Variants in RGS4 observed in about 807,000 individuals in gnomAD.
The protein encoded by RGS4 is schizophrenia disorder 9.
A neutral mutation model predicts 21.6 loss-of-function variants in RGS4; 15 were observed. The observed-to-expected ratio is 0.69, with a 90% confidence interval of 0.46 to 1.07. RGS4 has a LOEUF of 1.07. RGS4 is among the 50% of genes least tolerant of loss of function. RGS4 has a pLI of 0.00. For synonymous variants in RGS4, 94 were observed against 85.5 expected (o/e 1.10, Z -0.55); for missense variants, 237 against 239.0 (o/e 0.99, Z 0.06).
intron 1 of RGS4, 112 bp downstream of exon 1, chr1:163,069,640 G>T (rs1655240228): frequency 2.3e-6 from 2 of 857,400 alleles, no homozygotes; most frequent in African/African-American, 3.4e-5. Flanking sequence ...AGTGTGGTCA[G>T]GAGAGCACGA....
intron 1 of RGS4, among the ~76,000 whole-genome samples, chr1:163,071,734 C>G (rs1295531098): frequency 6.6e-6 from 1 of 151,570 alleles, no homozygotes; most frequent in Non-Finnish European, 1.5e-5. Flanking sequence ...TAGAAAGAAG[C>G]CCCAAGAAGC....
Position 163,075,196 on chromosome 1 carries a change from G to A in RGS4, c.*636G>A, listed in dbSNP as rs1655457231. 1 of 154,586 alleles carries A rather than the reference G, an allele frequency of 6.5e-6. No homozygotes were observed. The highest frequency in any genetic ancestry group is 2.4e-5 in the African/African-American group (1 of 41,370). 9.6% of individuals were successfully genotyped at this position (154,586 alleles called of 1,614,324 possible). The stretch of plus-strand genomic sequence containing the variant: ...TAGAGTATGTGTATGTACTTACATG[G>A]GTGTTTTGATCTCTGTTCTTTCATA... On this transcript the variant is annotated 3_prime_UTR_variant, in exon 5 of 5. Transcript: ENST00000367909.
chr1:163,069,075 A>G (rs139674129), upstream of RGS4: 2 of 1,537,238 alleles, frequency 1.3e-6, no homozygotes, highest in East Asian at 4.9e-5. Flanking sequence ...ATATGAATAA[A>G]AACTATATTT....
At chr1:163,069,133 GAC>G, upstream of RGS4, 1 of 1,500,160 alleles carries the variant, frequency 6.7e-7, no homozygotes, top group Non-Finnish European at 8.9e-7. Flanking sequence ...CTAAACCTCT[GAC>G]ATTGGTGGAG....
chr1:163,069,199 T>C, upstream of RGS4: 1 of 1,518,446 alleles, frequency 6.6e-7, no homozygotes. Flanking sequence ...TTTTCTCTGC[T>C]CGTTCACTTA....
intron 3 of RGS4, 60 bp downstream of exon 3, chr1:163,072,926 G>A (rs368832504): frequency 1.5e-4 from 214 of 1,425,722 alleles, no homozygotes; most frequent in Non-Finnish European, 2.0e-4. Flanking sequence ...TATTATGCTG[G>A]TCTAATAGAA....
upstream of RGS4, chr1:163,068,918 G>A: frequency 1.3e-6 from 2 of 1,542,426 alleles, no homozygotes; most frequent in South Asian, 2.3e-5. Flanking sequence ...GAAATCGTGA[G>A]GATCAGATCT....
intron 1 of RGS4, chr1:163,070,495 C>T (rs1655264651): frequency 6.6e-6 from 1 of 152,094 alleles, no homozygotes; most frequent in Admixed American, 6.6e-5. Flanking sequence ...ACTATTAAAA[C>T]ATTTACTTTC....
At chr1:163,072,660 T>C (rs927487284) in intron 2 of RGS4, 145 bp from the exon 3 acceptor site, 3 of 831,300 alleles carry the variant, frequency 3.6e-6, no homozygotes, top group Non-Finnish European at 5.7e-6. Context: ...TCTATACATT[T>C]AGTGAAAAAC....
rs181196037 is a variant in RGS4 at position 163,074,934 on chromosome 1, C to G, written c.*374C>G. The G allele has an allele frequency of 1.8e-6, 1 of 550,878 alleles. No individual in the cohort carries two copies. The highest frequency in any genetic ancestry group is 2.2e-5 in the South Asian group (1 of 44,652). 34.1% of individuals were successfully genotyped at this position (550,878 alleles called of 1,614,324 possible). A position where few individuals can be genotyped will look rare whatever the true frequency, so the allele number is the denominator to read the frequency against. On this transcript the variant is annotated 3_prime_UTR_variant, in exon 5 of 5. Transcript: ENST00000367909. ...CATGACATCCACATGCACATGTATTCTGTTGGCCAGCACGTTCTCCAGACT... is the reference window on the plus strand; with the variant it reads ...CATGACATCCACATGCACATGTATTGTGTTGGCCAGCACGTTCTCCAGACT...
intron 4 of RGS4, 190 bp from the exon 5 acceptor site, chr1:163,074,131 A>G (rs374530168): frequency 1.5e-6 from 1 of 665,074 alleles, no homozygotes; most frequent in Non-Finnish European, 2.6e-6. Context: ...TGCTCTCTCT[A>G]AAGCAGAAAG....
Position 163,075,102 on chromosome 1 carries a change from TAC to T in RGS4, c.*569_*570del, listed in dbSNP as rs5778313. The stretch of plus-strand genomic sequence containing the variant: ...ACATATGTATGTGTGAGTGTATGTA[TAC>T]ACACACACACACACACACACACACA... On this transcript the variant is annotated 3_prime_UTR_variant, in exon 5 of 5. Coordinates refer to ENST00000367909, the MANE Select transcript of RGS4 (RefSeq NM_005613.6). The T allele has an allele frequency of 0.034, 5,261 of 156,096 alleles. 231 individuals are homozygous for T. The highest frequency in any genetic ancestry group is 0.098 in the African/African-American group (3,990 of 40,866). 9.7% of individuals were successfully genotyped at this position (156,096 alleles called of 1,614,324 possible).
chr1:163,072,284 A>G (rs1655344104), intron 1 of RGS4, 111 bp from the exon 2 acceptor site: 1 of 930,402 alleles, frequency 1.1e-6, no homozygotes. Flanking sequence ...CCCGTTCCCT[A>G]AACTGTCTCT....
chr1:163,072,200 C>A, intron 1 of RGS4, 195 bp from the exon 2 acceptor site: 1 of 1,017,120 alleles, frequency 9.8e-7, no homozygotes, highest in Non-Finnish European at 1.3e-6. Context: ...TTATGACTGC[C>A]TCAAGGTTTT....
upstream of RGS4, chr1:163,068,875 C>T (rs1358554873): frequency 1.7e-6 from 2 of 1,147,456 alleles, no homozygotes; most frequent in Non-Finnish European, 2.6e-6. Flanking sequence ...CAAATCACTG[C>T]GTGGAGACGA....
intron 1 of RGS4, chr1:163,070,741 TA>T (rs1452779887): frequency 6.6e-6 from 1 of 152,150 alleles, no homozygotes; most frequent in African/African-American, 2.4e-5. Context: ...GCAAAACAGA[TA>T]AAAGATAATA....
At position 163,073,626 on chromosome 1, in the gene RGS4, G is replaced by A; in HGVS notation, c.378+4G>A. On this transcript the variant is annotated splice_donor_region_variant and intron_variant, in intron 4 of 4. Coordinates refer to ENST00000367909, the MANE Select transcript of RGS4 (RefSeq NM_005613.6). ...CTCAGTCCAGGCAACCAAAGAGGTA[G>A]GTTTTTTATGGATACATAAAAATTG... 6.4e-7 allele frequency: 1 copy of A among 1,573,086 alleles called. No individual in the cohort carries two copies. The highest frequency in any genetic ancestry group is 8.6e-7 in the Non-Finnish European group (1 of 1,163,710).
At position 163,072,825 on chromosome 1, in the gene RGS4, A is replaced by G. The variant is rs775715951; in HGVS notation, c.170A>G (p.Lys57Arg). 4 of 1,613,080 alleles carry G rather than the reference A, an allele frequency of 2.5e-6. No homozygotes were observed. In the African/African-American group the frequency reaches 5.3e-5, roughly 22 times the overall value. Reference sequence around the variant, plus strand: ...TCTAGAGTGAGCCAAGAGGAAGTCAAGAAATGGGCTGAATCACTGGAAAAC... The same window carrying G: ...TCTAGAGTGAGCCAAGAGGAAGTCAGGAAATGGGCTGAATCACTGGAAAAC... The part of the protein sequence containing the change: ...ICQRVSQEEV[K>R]KWAESLENLI... The change falls in exon 3 of 5, where the codon AAG (lysine) becomes AGG (arginine). Residue 57 changes from lysine (K) to arginine (R), a missense_variant. By Grantham distance (26) the Lys-to-Arg change is conservative (BLOSUM62 2). Coordinates refer to ENST00000367909, the MANE Select transcript of RGS4 (RefSeq NM_005613.6).
chr1:163,074,072 T>A (rs765661443), intron 4 of RGS4: 14 of 524,782 alleles, frequency 2.7e-5, no homozygotes, highest in Non-Finnish European at 4.3e-5. Context: ...TGCATGAATT[T>A]TTCTGATGAA....
Sources: gnomAD v4.1 joint callset for allele counts (sites outside exome capture counted in the v4.1 genomes callset) on GRCh38, gnomAD v4.1.1 for gene constraint, MANE v1.5 for transcripts, NCBI Gene and HGNC (gene_info 2026-07-23, HGNC 2026-07-21) for gene names.